CCSER1: variants seen among roughly 807,000 people sequenced by gnomAD.
CCSER1 encodes coiled-coil serine rich protein 1.
A neutral mutation model predicts 82.0 loss-of-function variants in CCSER1; 41 were observed. The ratio of observed to expected loss-of-function variants is 0.50; its 90% CI spans 0.39 to 0.65. The LOEUF (loss-of-function observed/expected upper bound fraction) is 0.65. CCSER1 is among the 30% of genes least tolerant of loss of function. The pLI, the probability that CCSER1 is intolerant of heterozygous loss-of-function variation, is 0.00. For synonymous variants in CCSER1, 414 were observed against 383.9 expected, an observed-to-expected ratio of 1.08 and a Z score of -0.92; for missense variants, 1,119 against 1,064.2, an observed-to-expected ratio of 1.05 and a Z score of -0.72.
chr4:90,436,013 G>GT (rs1560514161), intron 4 of CCSER1, among the ~76,000 whole-genome samples: 1 of 151,800 alleles, frequency 6.6e-6, no homozygotes, highest in Non-Finnish European at 1.5e-5. Flanking sequence ...TTCCCAACTT[G>GT]TTTAAGTCAA....
intron 4 of CCSER1, among the ~76,000 whole-genome samples, chr4:90,452,025 T>C (rs1761525633): frequency 6.6e-6 from 1 of 152,238 alleles, no homozygotes; most frequent in Middle Eastern, 3.4e-3. Context: ...TCCCCTTGTT[T>C]AATTCAAGTG....
intron 7 of CCSER1, among the ~76,000 whole-genome samples, chr4:90,803,971 A>T (rs1757172554): frequency 6.6e-6 from 1 of 152,142 alleles, no homozygotes; most frequent in South Asian, 2.1e-4. Flanking sequence ...AGTGATGATG[A>T]TTATTTTTTC....
Position 90,400,017 on chromosome 4 carries a change from G to A in CCSER1, c.1510-19G>A. The A allele has an allele frequency of 1.4e-6, 2 of 1,462,454 alleles. No individual in the cohort carries two copies. The highest frequency in any genetic ancestry group is 1.9e-6 in the Non-Finnish European group (2 of 1,046,758). The allele number at this position is 1,462,454 out of a possible 1,614,324, so 90.6% of individuals were successfully genotyped here. On this transcript the variant is annotated intron_variant, in intron 3 of 10. Transcript: ENST00000509176. ...CTCAGTGTTTTGGTTTCTAATTGTT[G>A]GTTTTGATTTTTCTTCAGGATGTTT...
chr4:90,256,304 A>G (rs72877761), intron 1 of CCSER1, among the ~76,000 whole-genome samples: 6,816 of 152,226 alleles, frequency 0.045, 395 homozygotes, highest in African/African-American at 0.13. Context: ...AAGAGGATAT[A>G]ATAGCCAAAA....
rs1292265541 is a variant in CCSER1 at position 91,496,711 on chromosome 4, TTCA to T, written c.2218-101860_2218-101858del. 9.1e-3 allele frequency among the ~76,000 whole-genome samples: 351 copies of T among 38,604 alleles called. 104 individuals carry two copies. The highest frequency in any genetic ancestry group is 0.066 in the East Asian group (28 of 424). The allele number at this position is 38,604 out of a possible 152,430, so 25.3% of individuals were successfully genotyped here. A position where few individuals can be genotyped will look rare whatever the true frequency, so the allele number is the denominator to read the frequency against. On this transcript the variant is annotated intron_variant, in intron 10 of 10. Coordinates refer to ENST00000509176, the MANE Select transcript of CCSER1 (RefSeq NM_001145065.2). ...TATATATATTCAATATATATATATA[TTCA>T]ATATATAGAATATATATATATATTG...
intron 10 of CCSER1, among the ~76,000 whole-genome samples, chr4:91,290,187 G>A (rs931463627): frequency 2.6e-5 from 4 of 151,960 alleles, no homozygotes; most frequent in African/African-American, 4.8e-5. Flanking sequence ...ACTGAGAAAC[G>A]TATTGCCAGC....
intron 10 of CCSER1, among the ~76,000 whole-genome samples, chr4:91,173,802 G>T (rs1733023893): frequency 6.6e-6 from 1 of 151,992 alleles, no homozygotes; most frequent in Non-Finnish European, 1.5e-5. Flanking sequence ...AAAAAAGGAT[G>T]AAAACAGAAG....
chr4:90,332,436 A>G (rs113950282), intron 3 of CCSER1, among the ~76,000 whole-genome samples: 2,940 of 152,014 alleles, frequency 0.019, 69 homozygotes, highest in African/African-American at 0.06. Context: ...GGGTTTCACT[A>G]TGTTGGTCAG....
chr4:90,370,756 C>A (rs756943781), intron 3 of CCSER1, among the ~76,000 whole-genome samples: 2 of 151,992 alleles, frequency 1.3e-5, no homozygotes, highest in Non-Finnish European at 2.9e-5. Context: ...ACACCTCATG[C>A]ACCTAGCATT....
intron 10 of CCSER1, among the ~76,000 whole-genome samples, chr4:91,183,432 G>A (rs958966690): frequency 3.9e-5 from 6 of 152,170 alleles, no homozygotes; most frequent in African/African-American, 1.4e-4. Context: ...ATTTTAGGGA[G>A]AATCCAATTA....
intron 3 of CCSER1, among the ~76,000 whole-genome samples, chr4:90,363,718 C>T (rs1381150243): frequency 6.6e-6 from 1 of 151,908 alleles, no homozygotes; most frequent in Non-Finnish European, 1.5e-5. Context: ...AAAATATGAC[C>T]TACAGTTTTA....
intron 9 of CCSER1, among the ~76,000 whole-genome samples, chr4:90,971,730 T>G (rs79290386): frequency 0.057 from 8,692 of 151,846 alleles, 355 homozygotes; most frequent in South Asian, 0.17. Flanking sequence ...CACAGGCAAA[T>G]ATCCCTGATG....
intron 1 of CCSER1, among the ~76,000 whole-genome samples, chr4:90,251,352 A>G (rs1252815745): frequency 2.0e-5 from 3 of 151,938 alleles, no homozygotes; most frequent in Admixed American, 1.3e-4. Context: ...AGTAGGTATA[A>G]TGATAGCCAG....
chr4:91,405,938 C>T (rs1008965909), intron 10 of CCSER1, among the ~76,000 whole-genome samples: 7 of 152,088 alleles, frequency 4.6e-5, no homozygotes, highest in Admixed American at 2.0e-4. Context: ...CAGAAATCAC[C>T]CGTCTTCTAC....
At chr4:90,213,463 G>A (rs1407367536) in intron 1 of CCSER1, among the ~76,000 whole-genome samples, 2 of 152,056 alleles carry the variant, frequency 1.3e-5, no homozygotes, top group Non-Finnish European at 2.9e-5. Context: ...ATCTGGGCTG[G>A]GGATAGAGAT....
chr4:90,256,211 A>C (rs774947354), intron 1 of CCSER1, among the ~76,000 whole-genome samples: 1 of 152,172 alleles, frequency 6.6e-6, no homozygotes, highest in Non-Finnish European at 1.5e-5. Context: ...GTCTCCATTC[A>C]TGCTCAAAAT....
At chr4:91,575,445 A>G (rs1452653483) in intron 10 of CCSER1, among the ~76,000 whole-genome samples, 4 of 152,012 alleles carry the variant, frequency 2.6e-5, no homozygotes, top group Non-Finnish European at 5.9e-5. Flanking sequence ...GAATAAGAGA[A>G]AACATTTGCA....
intron 1 of CCSER1, among the ~76,000 whole-genome samples, chr4:90,269,125 C>T (rs1725780070): frequency 6.6e-6 from 1 of 152,068 alleles, no homozygotes; most frequent in Non-Finnish European, 1.5e-5. Context: ...CAGCATTGGA[C>T]AGATTATCCA....
chr4:90,175,800 C>G (rs947845956), intron 1 of CCSER1, among the ~76,000 whole-genome samples: 25 of 151,888 alleles, frequency 1.6e-4, no homozygotes, highest in African/African-American at 6.0e-4. Flanking sequence ...GTGAATGATA[C>G]TTGCGAAGTG....
Sources: allele counts gnomAD v4.1 joint callset (sites outside exome capture counted in the v4.1 genomes callset), GRCh38; gene constraint gnomAD v4.1.1; transcripts MANE v1.5; gene names NCBI Gene and HGNC (gene_info 2026-07-23, HGNC 2026-07-21).